The following CNTNAP3B variants were observed in gnomAD, a reference collection of about 807,000 sequenced individuals.
The protein encoded by CNTNAP3B is contactin associated protein family member 3B, also known as contactin-associated protein-like 3B.
CNTNAP3B carries 25 observed loss-of-function variants against 108.9 expected under a neutral mutation model. That is an observed-to-expected ratio of 0.23 (90% CI 0.17 to 0.32). The LOEUF (loss-of-function observed/expected upper bound fraction) is 0.32, where lower values mean the gene tolerates loss of function less well. Among genes scored for constraint, CNTNAP3B ranks in the 10% least tolerant of loss-of-function variants. The pLI, the probability that CNTNAP3B is intolerant of heterozygous loss-of-function variation, is 1.00. For synonymous variants in CNTNAP3B, 103 were observed against 473.4 expected, an observed-to-expected ratio of 0.22 and a Z score of 10.16; for missense variants, 252 against 1,210.4, an observed-to-expected ratio of 0.21 and a Z score of 11.75.
intron 2 of CNTNAP3B, among the ~76,000 whole-genome samples, chr9:42,090,973 T>TATATACAC (rs1207817338): frequency 5.3e-5 from 2 of 37,750 alleles, no homozygotes; most frequent in East Asian, 1.8e-3. Flanking sequence ...TATATATATA[T>TATATACAC]ACACACACAC....
intron 1 of CNTNAP3B, among the ~76,000 whole-genome samples, chr9:42,118,867 T>C (rs1043128524): frequency 3.3e-5 from 2 of 60,580 alleles, no homozygotes; most frequent in Non-Finnish European, 6.1e-5. Flanking sequence ...TGATACAAAA[T>C]CAAGATTTTG....
At chr9:41,935,894 G>T (rs1201647612) in intron 14 of CNTNAP3B, among the ~76,000 whole-genome samples, 1 of 152,286 alleles carries the variant, frequency 6.6e-6, no homozygotes, top group Non-Finnish European at 1.5e-5. Context: ...CATGGCTAAG[G>T]GTATCAGAGG....
intron 12 of CNTNAP3B, among the ~76,000 whole-genome samples, chr9:41,959,676 G>A (rs1360220553): frequency 2.3e-4 from 35 of 152,420 alleles, no homozygotes; most frequent in African/African-American, 7.9e-4. Flanking sequence ...CTGTGCAGGT[G>A]GCTCTGAATC....
intron 2 of CNTNAP3B, among the ~76,000 whole-genome samples, chr9:42,096,155 G>A (rs1299560438): frequency 5.0e-5 from 7 of 139,792 alleles, no homozygotes; most frequent in Non-Finnish European, 1.1e-4. Context: ...TGAGGATGCT[G>A]TGCAGGCTGC....
chr9:42,061,816 CT>C lies in CNTNAP3B; in HGVS notation c.390+15052del, dbSNP rs1329762321. Among the ~76,000 whole-genome samples the C allele has an allele frequency of 5.5e-5, 4 of 73,070 alleles. No individual in the cohort carries two copies. In the South Asian group the frequency reaches 1.8e-3, roughly 33 times the overall value. 47.9% of individuals were successfully genotyped at this position (73,070 alleles called of 152,430 possible). On this transcript the variant is annotated intron_variant, in intron 3 of 23. Transcript: ENST00000377561. The stretch of plus-strand genomic sequence containing the variant: ...GTTGGATGCAATGTTCAGTTTATGT[CT>C]GGTAGGTCCATTTGGTCTAACATAT...
At chr9:42,055,186 T>C (rs1368872542) in intron 3 of CNTNAP3B, among the ~76,000 whole-genome samples, 1 of 139,178 alleles carries the variant, frequency 7.2e-6, no homozygotes, top group Non-Finnish European at 1.5e-5. Flanking sequence ...GTTCAAACCA[T>C]ATCTACATCC....
intron 14 of CNTNAP3B, among the ~76,000 whole-genome samples, chr9:41,930,682 A>G (rs1823951901): frequency 6.6e-6 from 1 of 152,304 alleles, no homozygotes; most frequent in Admixed American, 6.5e-5. Flanking sequence ...AGCCTATTGA[A>G]TACCATGAGT....
intron 13 of CNTNAP3B, among the ~76,000 whole-genome samples, chr9:41,949,863 GA>G (rs1189088384): frequency 6.6e-6 from 1 of 152,006 alleles, no homozygotes; most frequent in Non-Finnish European, 1.5e-5. Context: ...CCCATAAAAG[GA>G]AAATATGATA....
At chr9:41,934,198 T>TATATATATATAC (rs1418666527) in intron 14 of CNTNAP3B, among the ~76,000 whole-genome samples, 1 of 116,680 alleles carries the variant, frequency 8.6e-6, no homozygotes, top group African/African-American at 2.9e-5. Context: ...CATATATATA[T>TATATATATATAC]ACATACACAC....
rs1192825283 is a variant in CNTNAP3B, at chr9:42,120,858, A to G, written c.85+8152T>C. Among the ~76,000 whole-genome samples the G allele has an allele frequency of 6.0e-5, 8 of 132,386 alleles. 1 individual carries two copies. Among genetic ancestry groups the G allele is most frequent in the African/African-American group, 2.2e-4 (7 of 32,552 alleles). The allele number at this position is 132,386 out of a possible 152,430, so 86.9% of individuals were successfully genotyped here. On this transcript the variant is annotated intron_variant, in intron 1 of 23. Transcript: ENST00000377561. The stretch of plus-strand genomic sequence containing the variant: ...GAGGGGGGAGGGATAGCATTAGGAG[A>G]TATACCTAATGTAAATGACAAGTTA...
chr9:41,976,979 C>G (rs1475861001), intron 9 of CNTNAP3B, among the ~76,000 whole-genome samples: 1 of 142,952 alleles, frequency 7.0e-6, no homozygotes, highest in Non-Finnish European at 1.5e-5. Flanking sequence ...AATCTAAAAG[C>G]AAAAATGAAA....
At chr9:42,103,382 CA>C (rs1163979870) in intron 2 of CNTNAP3B, among the ~76,000 whole-genome samples, 1 of 131,388 alleles carries the variant, frequency 7.6e-6, no homozygotes, top group Non-Finnish European at 1.6e-5. Flanking sequence ...TAAATGTGCT[CA>C]AATACAGAAA....
At chr9:41,924,645 G>GCACACACACACA (rs200851620) in intron 15 of CNTNAP3B, among the ~76,000 whole-genome samples, 59 of 135,138 alleles carry the variant, frequency 4.4e-4, no homozygotes, top group African/African-American at 6.0e-4. Context: ...TTTCCTTCCT[G>GCACACACACACA]CACACACACA....
chr9:42,088,702 C>G (rs1462830011), intron 2 of CNTNAP3B, among the ~76,000 whole-genome samples: 2 of 136,614 alleles, frequency 1.5e-5, no homozygotes, highest in Non-Finnish European at 3.1e-5. Context: ...AAATAGAATG[C>G]CATTGGACTT....
intron 12 of CNTNAP3B, chr9:41,959,885 T>C (rs1372223874): frequency 6.6e-6 from 1 of 152,310 alleles, no homozygotes; most frequent in African/African-American, 2.4e-5. Context: ...ATTTCCACTT[T>C]GCAGAGAGTT....
chr9:42,085,320 C>T, intron 2 of CNTNAP3B, among the ~76,000 whole-genome samples: 1 of 147,480 alleles, frequency 6.8e-6, no homozygotes, highest in Non-Finnish European at 1.5e-5. Flanking sequence ...GGTCCGTAAC[C>T]CCCACCACAA....
chr9:41,969,776 C>T (rs995033182), intron 10 of CNTNAP3B, among the ~76,000 whole-genome samples: 1 of 104,090 alleles, frequency 9.6e-6, no homozygotes, highest in African/African-American at 3.6e-5. Flanking sequence ...TGCCACCACG[C>T]CTGGCTAATT....
At chr9:41,921,170 A>T (rs1823657668) in intron 17 of CNTNAP3B, among the ~76,000 whole-genome samples, 1 of 152,306 alleles carries the variant, frequency 6.6e-6, no homozygotes, top group Admixed American at 6.5e-5. Flanking sequence ...CCAGTGCTTC[A>T]TCCACCGCAA....
chr9:41,977,421 T>C (rs1825540818), intron 9 of CNTNAP3B, among the ~76,000 whole-genome samples: 1 of 139,782 alleles, frequency 7.2e-6, no homozygotes, highest in Non-Finnish European at 1.5e-5. Flanking sequence ...GTGTCATCTA[T>C]AGCAAATGTT....
Sources: gnomAD v4.1 joint callset for allele counts (sites outside exome capture counted in the v4.1 genomes callset) on GRCh38, gnomAD v4.1.1 for gene constraint, MANE v1.5 for transcripts, NCBI Gene and HGNC (gene_info 2026-07-23, HGNC 2026-07-21) for gene names.